PRAG1: variants seen among roughly 807,000 people sequenced by gnomAD.
PRAG1 encodes the protein inactive tyrosine-protein kinase PRAG1.
Under a neutral mutation model 95.6 loss-of-function variants are expected in PRAG1, and 110 were observed. That is an observed-to-expected ratio of 1.15 (90% confidence interval 0.99 to 1.35). The LOEUF is 1.35. Ranked by LOEUF, PRAG1 falls within the 40% of genes most tolerant of loss-of-function variation. PRAG1 has a pLI of 0.00. For missense variants in PRAG1, 2,554 were observed against 1,864.7 expected, an observed-to-expected ratio of 1.37 and a Z score of -6.81; for synonymous variants, 1,052 against 819.4, an observed-to-expected ratio of 1.28 and a Z score of -4.85.
intron 3 of PRAG1, among the ~76,000 whole-genome samples, chr8:8,342,906 T>A (rs1025775713): frequency 1.3e-5 from 2 of 152,134 alleles, no homozygotes; most frequent in Non-Finnish European, 2.9e-5. Flanking sequence ...TAAATCTGAC[T>A]ACTTTAAAAT....
chr8:8,317,933 G>T lies in PRAG1; in HGVS notation c.*221C>A. ...TATAATTACAGAAGAAAACAGGGAG[G>T]ACTTAGTGCAGAGAGGAGACGAGTG... On this transcript the variant is annotated 3_prime_UTR_variant, in exon 6 of 6. Transcript: ENST00000615670. 1 of 343,992 alleles carries T rather than the reference G, an allele frequency of 2.9e-6. No individual in the cohort carries two copies. The highest frequency in any genetic ancestry group is 5.0e-6 in the Non-Finnish European group (1 of 198,020). The allele number at this position is 343,992 out of a possible 1,614,324, so 21.3% of individuals were successfully genotyped here. A position where few individuals can be genotyped will look rare whatever the true frequency, so the allele number is the denominator to read the frequency against.
rs1800319064 is a variant in PRAG1 at position 8,374,629 on chromosome 8, C to T, written c.2162+1618G>A. ...ATCCATCCCTGGCCCATAGTGAGTG[C>T]CATATAAATGGAAGCTCATCTTAGC... is the stretch of plus-strand genomic sequence containing the variant. On this transcript the variant is annotated intron_variant, in intron 3 of 5. Transcript: ENST00000615670. 3 of 982,814 alleles carry T rather than the reference C, an allele frequency of 3.1e-6. No homozygotes were observed. The African/African-American group carries it at 5.2e-5, about 17-fold the overall frequency. The allele number at this position is 982,814 out of a possible 1,614,324, so 60.9% of individuals were successfully genotyped here. A position where few individuals can be genotyped will look rare whatever the true frequency, so the allele number is the denominator to read the frequency against.
Position 8,319,308 on chromosome 8 carries a change from G to C in PRAG1, c.3073-6C>G, listed in dbSNP as rs565188145. On this transcript the variant is annotated splice_region_variant and splice_polypyrimidine_tract_variant and intron_variant, in intron 5 of 5. Transcript: ENST00000615670. ...GGCTCAGGGGCTTTGCAGATCTGTG[G>C]AGAGAAGAAGAAGTGAAATCAAGAG... 101 of 1,501,100 alleles carry C rather than the reference G, an allele frequency of 6.7e-5. No individual in the cohort carries two copies. The East Asian group carries it at 1.5e-3, about 22-fold the overall frequency. 93.0% of individuals were successfully genotyped at this position (1,501,100 alleles called of 1,614,324 possible). A position where few individuals can be genotyped will look rare whatever the true frequency, so the allele number is the denominator to read the frequency against.
chr8:8,336,917 C>A (rs547960703), intron 4 of PRAG1, among the ~76,000 whole-genome samples: 14 of 143,400 alleles, frequency 9.8e-5, no homozygotes, highest in Middle Eastern at 3.5e-3. Flanking sequence ...TTCCCCCCTC[C>A]CCCCACCTCC....
In PRAG1 at chr8:8,381,509, G is replaced by C; in HGVS notation, c.239C>G (p.Ser80Cys). Residue 80 changes from serine to cysteine, a missense_variant, in exon 2 of 6, where the codon TCC (serine) becomes TGC (cysteine). Transcript: ENST00000615670. ...EDEGVNSSPY[S>C]KPTIAVKPTM... ...GGGCTTCACGGCAATTGTGGGCTTG[G>C]AGTAAGGTGAGCTGTTCACACCTTC... 2.5e-6 allele frequency: 4 copies of C among 1,614,230 alleles called. No homozygotes were observed. The highest frequency in any genetic ancestry group is 3.4e-6 in the Non-Finnish European group (4 of 1,180,040).
At chr8:8,383,081 C>G (rs1563261150) in intron 1 of PRAG1, among the ~76,000 whole-genome samples, 1 of 152,172 alleles carries the variant, frequency 6.6e-6, no homozygotes, top group Non-Finnish European at 1.5e-5. Context: ...CTCCACTTTC[C>G]TCCCATAAGG....
In PRAG1 at chr8:8,318,870, C is replaced by G. The variant is rs1251231312; in HGVS notation, c.3505G>C (p.Ala1169Pro). Reference protein sequence around the residue: ...QAGPGPAPAPAPAPAPAAAAP... With the variant: ...QAGPGPAPAPPPAPAPAAAAP... Reference sequence around the variant, plus strand: ...GCGGCGGCGGGGGCGGGAGCCGGGGCGGGGGCGGGGGCGGGCCCGGGGCCG... The same window carrying G: ...GCGGCGGCGGGGGCGGGAGCCGGGGGGGGGGCGGGGGCGGGCCCGGGGCCG... Residue 1169 changes from alanine to proline, a missense_variant, in exon 6 of 6, where the codon GCC becomes CCC. Physicochemically the swap from Ala to Pro is conservative, Grantham distance 27. Coordinates refer to ENST00000615670, the MANE Select transcript of PRAG1 (RefSeq NM_001080826.3). The surrounding 1 kb of genome is among the most constrained non-coding windows in gnomAD (Gnocchi z 4.2). 1.0e-5 allele frequency: 1 copy of G among 96,970 alleles called. No homozygotes were observed. Among genetic ancestry groups the G allele is most frequent in the Non-Finnish European group, 1.4e-5 (1 of 69,904 alleles). 6.0% of individuals were successfully genotyped at this position (96,970 alleles called of 1,614,324 possible).
At position 8,318,903 on chromosome 8, in the gene PRAG1, G is replaced by C. The variant is rs759572156; in HGVS notation, c.3472C>G (p.Leu1158Val). The change falls in exon 6 of 6, where the codon CTC becomes GTC. Residue 1158 changes from leucine to valine, a missense_variant. Physicochemically the swap from Leu to Val is conservative, Grantham distance 32. Coordinates refer to ENST00000615670, the MANE Select transcript of PRAG1 (RefSeq NM_001080826.3). The surrounding 1 kb of genome is among the most constrained non-coding windows in gnomAD (Gnocchi z 4.2). ...GGGGCGGGCCCGGGGCCGGCCTGGA[G>C]GGTGCAGTGCACCAGCAGCAGGTTC... ...LENLLLVHCTLQAGPGPAPAP... is the reference protein window; with the variant it reads ...LENLLLVHCTVQAGPGPAPAP... 1.3e-6 allele frequency: 2 copies of C among 1,585,672 alleles called. No homozygotes were observed. The highest frequency in any genetic ancestry group is 1.7e-6 in the Non-Finnish European group (2 of 1,165,240).
At position 8,381,603 on chromosome 8, in the gene PRAG1, G is replaced by T. The variant is rs760754320; in HGVS notation, c.145C>A (p.Pro49Thr). 7.4e-6 allele frequency: 12 copies of T among 1,613,982 alleles called. No individual in the cohort carries two copies. The highest frequency in any genetic ancestry group is 1.0e-5 in the Non-Finnish European group (12 of 1,179,914). Residue 49 changes from proline (P) to threonine (T), a missense_variant, in exon 2 of 6, where the codon CCC (proline) becomes ACC (threonine). Coordinates refer to ENST00000615670, the MANE Select transcript of PRAG1 (RefSeq NM_001080826.3). The stretch of plus-strand genomic sequence containing the variant: ...GGAGGGGGCAGGCTGCCCGCTCTGG[G>T]CTGGGGAGGGCCGGCCACCAGCTGG... Reference protein sequence around the residue: ...DHQLVAGPPQPRAGSLPPPPR... With the variant: ...DHQLVAGPPQTRAGSLPPPPR...
chr8:8,326,603 G>C (rs1019851410), intron 5 of PRAG1, among the ~76,000 whole-genome samples: 23 of 152,200 alleles, frequency 1.5e-4, no homozygotes, highest in African/African-American at 5.3e-4. Flanking sequence ...GGCTCAACTA[G>C]CTCACACAGA....
At chr8:8,353,205 G>A (rs1799580581) in intron 3 of PRAG1, among the ~76,000 whole-genome samples, 1 of 152,136 alleles carries the variant, frequency 6.6e-6, no homozygotes, top group African/African-American at 2.4e-5. Context: ...TTAAGCTTTA[G>A]ACCAAATGGA....
rs371137865 is a variant in PRAG1 at position 8,318,535 on chromosome 8, T to G, written c.3840A>C (p.Arg1280Ser). 14 of 1,613,110 alleles carry G rather than the reference T, an allele frequency of 8.7e-6. No individual in the cohort carries two copies. In the African/African-American group the frequency reaches 1.6e-4, roughly 18 times the overall value. The change falls in exon 6 of 6, where the codon AGA becomes AGC. Residue 1280 changes from arginine to serine, a missense_variant. Arg to Ser is a moderately radical substitution (Grantham distance 110). Transcript: ENST00000615670. The surrounding 1 kb of genome is among the most constrained non-coding windows in gnomAD (Gnocchi z 4.2). ...GCGGCAGGTCCTCCTGCCGGTAGTC[T>G]CTCTCCCGCAGCTGGGCGCGCACCT... is the stretch of plus-strand genomic sequence containing the variant. ...PFEVRAQLRERDYRQEDLPPL... is the reference protein window; with the variant it reads ...PFEVRAQLRESDYRQEDLPPL...
chr8:8,328,535 C>A, intron 4 of PRAG1, 74 bp from the exon 5 acceptor site: 1 of 1,265,892 alleles, frequency 7.9e-7, no homozygotes, highest in African/African-American at 1.5e-5. Context: ...GACTTGTTTC[C>A]CTTTATTTAT....
rs1288707893 is a variant in PRAG1, at chr8:8,345,059, G to GTGTGTGTT, written c.2163-5425_2163-5424insAACACACA. Among the ~76,000 whole-genome samples, 546 of 148,542 alleles carry GTGTGTGTT rather than the reference G, an allele frequency of 3.7e-3. 4 individuals carry two copies. The highest frequency in any genetic ancestry group is 0.013 in the African/African-American group (512 of 40,374). On this transcript the variant is annotated intron_variant, in intron 3 of 5. Transcript: ENST00000615670. ...AATTATCCGCAGGGTGTGTGTGTGT[G>GTGTGTGTT]TGTGTGTGTGTGTGTGTGTGTGTGT... is the stretch of plus-strand genomic sequence containing the variant.
chr8:8,346,137 C>T (rs917539643), intron 3 of PRAG1, among the ~76,000 whole-genome samples: 4 of 152,182 alleles, frequency 2.6e-5, no homozygotes, highest in Admixed American at 6.5e-5. Flanking sequence ...TGCGGTATAA[C>T]AAGACTACTT....
At chr8:8,351,476 G>A (rs1003811109) in intron 3 of PRAG1, among the ~76,000 whole-genome samples, 2 of 152,084 alleles carry the variant, frequency 1.3e-5, no homozygotes, top group Non-Finnish European at 2.9e-5. Context: ...ATAGTCTAGA[G>A]GTTCACCCTA....
chr8:8,361,451 A>G (rs4840338), intron 3 of PRAG1, among the ~76,000 whole-genome samples: 81,873 of 151,846 alleles, frequency 0.54, 22,958 homozygotes, highest in East Asian at 0.87. Context: ...GGGAGGTGGC[A>G]GTGGGTTATT....
chr8:8,356,709 C>T (rs1648722844), intron 3 of PRAG1, among the ~76,000 whole-genome samples: 1 of 152,044 alleles, frequency 6.6e-6, no homozygotes, highest in Non-Finnish European at 1.5e-5. Flanking sequence ...TCATATAAAA[C>T]CTCAACATAT....
intron 3 of PRAG1, among the ~76,000 whole-genome samples, chr8:8,363,987 C>T (rs1267359936): frequency 6.6e-6 from 1 of 152,056 alleles, no homozygotes; most frequent in Admixed American, 6.6e-5. Context: ...TTTTACTTAC[C>T]TATTTCTCTA....
Sources: allele counts gnomAD v4.1 joint callset (sites outside exome capture counted in the v4.1 genomes callset), GRCh38; gene constraint gnomAD v4.1.1; non-coding constraint Gnocchi (gnomAD v3.1); transcripts MANE v1.5; gene names NCBI Gene and HGNC (gene_info 2026-07-23, HGNC 2026-07-21).